MTPAP: variants seen among roughly 807,000 people sequenced by gnomAD.
MTPAP encodes the protein poly(A) RNA polymerase, mitochondrial.
In MTPAP, 23 loss-of-function variants were observed where a neutral mutation model predicts 48.7. The observed-to-expected ratio is 0.47, with a 90% CI of 0.34 to 0.67. The LOEUF is 0.67. MTPAP is among the 30% of genes least tolerant of loss of function. The pLI is 0.01. For synonymous variants in MTPAP, 257 were observed against 254.1 expected, an observed-to-expected ratio of 1.01 and a Z score of -0.11; for missense variants, 614 against 694.3, an observed-to-expected ratio of 0.88 and a Z score of 1.30.
intron 1 of MTPAP, among the ~76,000 whole-genome samples, chr10:30,344,034 T>C (rs1834842657): frequency 6.6e-6 from 1 of 152,156 alleles, no homozygotes; most frequent in African/African-American, 2.4e-5. Context: ...ACTGCCAAAG[T>C]GTTCTTTATA....
At position 30,327,317 on chromosome 10, in the gene MTPAP, A is replaced by C. The variant is rs969839592; in HGVS notation, c.781-682T>G. 1.4e-3 allele frequency among the ~76,000 whole-genome samples: 197 copies of C among 136,048 alleles called. 1 individual carries two copies. The Middle Eastern group carries it at 0.055, about 38-fold the overall frequency. The allele number at this position is 136,048 out of a possible 152,430, so 89.3% of individuals were successfully genotyped here. On this transcript the variant is annotated intron_variant, in intron 4 of 8. Coordinates refer to ENST00000263063, the MANE Select transcript of MTPAP (RefSeq NM_018109.4). ...AGCCTGGCCAACATGGTGAAACCCCATCTCTTTTAAAAATACAAAAAAAAA... is the reference window on the plus strand; with the variant it reads ...AGCCTGGCCAACATGGTGAAACCCCCTCTCTTTTAAAAATACAAAAAAAAA...
At chr10:30,328,797 C>T (rs1381790997) in intron 4 of MTPAP, among the ~76,000 whole-genome samples, 1 of 151,954 alleles carries the variant, frequency 6.6e-6, no homozygotes, top group Non-Finnish European at 1.5e-5. Flanking sequence ...AACTCAGAAG[C>T]TTTGGGGCAG....
intron 4 of MTPAP, among the ~76,000 whole-genome samples, chr10:30,331,058 G>A (rs1025809565): frequency 3.9e-5 from 6 of 152,128 alleles, no homozygotes; most frequent in South Asian, 4.1e-4. Flanking sequence ...TGCAAGCCAC[G>A]AAGAATCACA....
intron 3 of MTPAP, among the ~76,000 whole-genome samples, chr10:30,337,366 G>T (rs578068879): frequency 1.7e-4 from 26 of 152,250 alleles, no homozygotes; most frequent in African/African-American, 5.8e-4. Context: ...AGAGGTTGTG[G>T]TGAGCCAAGA....
intron 2 of MTPAP, among the ~76,000 whole-genome samples, chr10:30,340,867 C>A (rs1421875801): frequency 6.6e-6 from 1 of 151,644 alleles, no homozygotes; most frequent in Non-Finnish European, 1.5e-5. Flanking sequence ...TGCAATGACC[C>A]AAGATCATGC....
intron 3 of MTPAP, among the ~76,000 whole-genome samples, chr10:30,338,621 G>A (rs571813416): frequency 2.0e-5 from 3 of 152,080 alleles, no homozygotes; most frequent in South Asian, 4.2e-4. Context: ...GTTGCAGTGA[G>A]CCACGATCAG....
chr10:30,317,024 TG>T (rs1310815260), intron 6 of MTPAP, among the ~76,000 whole-genome samples: 1 of 152,260 alleles, frequency 6.6e-6, no homozygotes. Flanking sequence ...TTCTTGTCTA[TG>T]ATTTAATGAT....
intron 6 of MTPAP, among the ~76,000 whole-genome samples, chr10:30,318,384 T>C (rs185517368): frequency 5.3e-5 from 8 of 152,354 alleles, no homozygotes; most frequent in Non-Finnish European, 1.2e-4. Flanking sequence ...TATGTATGTA[T>C]ATATATTTCT....
In MTPAP at chr10:30,313,637, C is replaced by T; in HGVS notation, c.1721G>A (p.Gly574Glu). ...TGTCTGAGTACTAATTGTTCTCTTC[C>T]CACTGGTTTTTGTGAAATTTTCTGT... Reference protein sequence around the residue: ...NRTENFTKTSGKRTISTQT With the variant: ...NRTENFTKTSEKRTISTQT Residue 574 changes from glycine to glutamate, a missense_variant, in exon 9 of 9, where the codon GGG becomes GAG. Transcript: ENST00000263063. The T allele has an allele frequency of 1.2e-6, 2 of 1,614,166 alleles. No homozygotes were observed. Among genetic ancestry groups the T allele is most frequent in the Non-Finnish European group, 1.7e-6 (2 of 1,180,004 alleles).
Position 30,312,266 on chromosome 10 carries a change from C to G in MTPAP, c.*1343G>C, listed in dbSNP as rs1389328127. 6.6e-6 allele frequency: 1 copy of G among 151,978 alleles called. No individual in the cohort carries two copies. The highest frequency in any genetic ancestry group is 1.5e-5 in the Non-Finnish European group (1 of 67,980). 9.4% of individuals were successfully genotyped at this position (151,978 alleles called of 1,614,324 possible). A position where few individuals can be genotyped will look rare whatever the true frequency, so the allele number is the denominator to read the frequency against. On this transcript the variant is annotated 3_prime_UTR_variant, in exon 9 of 9. Coordinates refer to ENST00000263063, the MANE Select transcript of MTPAP (RefSeq NM_018109.4). ...AGTCCATTTACACACAGATTTTTTCCAACCAAACTTGGATTGAAAATACAG... is the reference window on the plus strand; with the variant it reads ...AGTCCATTTACACACAGATTTTTTCGAACCAAACTTGGATTGAAAATACAG...
chr10:30,338,245 G>A (rs978923243), intron 3 of MTPAP, among the ~76,000 whole-genome samples: 2 of 149,758 alleles, frequency 1.3e-5, no homozygotes, highest in Admixed American at 6.7e-5. Context: ...GGGCAACAGA[G>A]CAAGACTCCA....
chr10:30,336,907 T>C lies in MTPAP; in HGVS notation c.676A>G (p.Ile226Val), dbSNP rs769468906. 6.8e-6 allele frequency: 11 copies of C among 1,613,152 alleles called. No homozygotes were observed. Among genetic ancestry groups the C allele is most frequent in the African/African-American group, 2.7e-5 (2 of 74,892 alleles). ...DMAAAYFPDCIVRPFGSSVNT... is the reference protein window; with the variant it reads ...DMAAAYFPDCVVRPFGSSVNT... Reference sequence around the variant, plus strand: ...ACTGAGGAGCCAAAGGGTCTGACTATGCAGTCTGGAAAATACGCGGCGGCC... The same window carrying C: ...ACTGAGGAGCCAAAGGGTCTGACTACGCAGTCTGGAAAATACGCGGCGGCC... Residue 226 changes from isoleucine (I) to valine (V), a missense_variant, in exon 4 of 9, where the codon ATA (isoleucine) becomes GTA (valine). This residue lies in a region of MTPAP where 261 missense variants were observed against 355.4 expected (regional missense o/e 0.73). Transcript: ENST00000263063.
intron 3 of MTPAP, among the ~76,000 whole-genome samples, chr10:30,339,157 C>A (rs952358443): frequency 7.3e-5 from 11 of 151,356 alleles, no homozygotes; most frequent in South Asian, 2.1e-4. Flanking sequence ...CAAAAAAACA[C>A]CAAGACAAAT....
intron 6 of MTPAP, among the ~76,000 whole-genome samples, chr10:30,318,471 T>A (rs790765): frequency 6.6e-6 from 1 of 152,078 alleles, no homozygotes; most frequent in East Asian, 1.9e-4. Context: ...TTTTTTGTGA[T>A]GCAGTGTCAG....
rs2132838112 is a variant in MTPAP at position 30,310,382 on chromosome 10, T to C, written c.*3227A>G. 1 of 152,150 alleles carries C rather than the reference T, an allele frequency of 6.6e-6. No homozygotes were observed. Among genetic ancestry groups the C allele is most frequent in the African/African-American group, 2.4e-5 (1 of 41,472 alleles). The allele number at this position is 152,150 out of a possible 1,614,324, so 9.4% of individuals were successfully genotyped here. ...GGGCAGGTCACCTGAGGTCAGGAGT[T>C]CGAGACCAGCCTGGCCAACAGAGTA... is the stretch of plus-strand genomic sequence containing the variant. On this transcript the variant is annotated 3_prime_UTR_variant, in exon 9 of 9. Coordinates refer to ENST00000263063, the MANE Select transcript of MTPAP (RefSeq NM_018109.4).
Position 30,313,392 on chromosome 10 carries a change from A to G in MTPAP, c.*217T>C. ...CTACAGGTGTGCACCGCCACACTCCACAGCTGATGTTTTAATAAAGTGCCA... is the reference window on the plus strand; with the variant it reads ...CTACAGGTGTGCACCGCCACACTCCGCAGCTGATGTTTTAATAAAGTGCCA... On this transcript the variant is annotated 3_prime_UTR_variant, in exon 9 of 9. Transcript: ENST00000263063. 1 of 597,754 alleles carries G rather than the reference A, an allele frequency of 1.7e-6. No individual in the cohort carries two copies. Among genetic ancestry groups the G allele is most frequent in the South Asian group, 1.9e-5 (1 of 51,758 alleles). 37.0% of individuals were successfully genotyped at this position (597,754 alleles called of 1,614,324 possible). A position where few individuals can be genotyped will look rare whatever the true frequency, so the allele number is the denominator to read the frequency against.
intron 4 of MTPAP, among the ~76,000 whole-genome samples, chr10:30,335,198 T>C (rs567273195): frequency 3.3e-5 from 5 of 152,268 alleles, no homozygotes; most frequent in Admixed American, 1.3e-4. Flanking sequence ...TAAAAACACA[T>C]AGCCTTGGCC....
intron 4 of MTPAP, among the ~76,000 whole-genome samples, chr10:30,332,100 AAAG>A (rs1338195841): frequency 6.6e-6 from 1 of 152,258 alleles, no homozygotes; most frequent in African/African-American, 2.4e-5. Context: ...GAAAGTAGTC[AAAG>A]AAGGTTTTAT....
intron 1 of MTPAP, among the ~76,000 whole-genome samples, chr10:30,343,628 C>T (rs1834837935): frequency 6.6e-6 from 1 of 151,802 alleles, no homozygotes; most frequent in South Asian, 2.1e-4. Context: ...AGTGCAGTGG[C>T]ACAACCCCAG....
Sources: gnomAD v4.1 joint callset for allele counts (sites outside exome capture counted in the v4.1 genomes callset) on GRCh38, gnomAD v4.1.1 for gene constraint, gnomAD v4.1.1 regional missense constraint, MANE v1.5 for transcripts, NCBI Gene and HGNC (gene_info 2026-07-23, HGNC 2026-07-21) for gene names.